The following RPN2 variants were observed in gnomAD, a reference collection of about 807,000 sequenced individuals.
The protein encoded by RPN2 is dolichyl-diphosphooligosaccharide--protein glycosyltransferase subunit 2.
RPN2 carries 29 observed loss-of-function variants against 71.4 expected under a neutral mutation model. The observed-to-expected ratio is 0.41, with a 90% CI of 0.30 to 0.55. The LOEUF is 0.55. Ranked by LOEUF, RPN2 falls within the 20% of genes least tolerant of loss-of-function variation. RPN2 has a pLI of 0.35. For synonymous variants in RPN2, 308 were observed against 305.0 expected (o/e 1.01, Z -0.10); for missense variants, 726 against 774.1 (o/e 0.94, Z 0.74).
At chr20:37,238,518 C>G in intron 16 of RPN2, 1 of 1,083,432 alleles carries the variant, frequency 9.2e-7, no homozygotes, top group Non-Finnish European at 1.4e-6. Context: ...TCATGCATGT[C>G]AGTTATCTCT....
intron 6 of RPN2, 115 bp downstream of exon 6, chr20:37,205,016 C>A: frequency 1.4e-6 from 2 of 1,446,570 alleles, no homozygotes; most frequent in South Asian, 1.2e-5. Flanking sequence ...TGCTGTCACT[C>A]AGTGTCCTGG....
intron 10 of RPN2, 128 bp from the exon 11 acceptor site, chr20:37,225,560 T>C: frequency 1.4e-6 from 1 of 728,188 alleles, no homozygotes. Flanking sequence ...TCCACATCTG[T>C]CTGTCCACAA....
chr20:37,198,163 T>C (rs193094866), intron 2 of RPN2, among the ~76,000 whole-genome samples: 1 of 152,354 alleles, frequency 6.6e-6, no homozygotes, highest in Non-Finnish European at 1.5e-5. Flanking sequence ...GGTTTCCTTC[T>C]TTCCTTTCTA....
intron 2 of RPN2, among the ~76,000 whole-genome samples, chr20:37,193,300 G>T (rs1209143650): frequency 6.6e-6 from 1 of 152,218 alleles, no homozygotes; most frequent in African/African-American, 2.4e-5. Context: ...AGATGTGATT[G>T]ATCTGAATTC....
intron 1 of RPN2, among the ~76,000 whole-genome samples, chr20:37,183,816 A>G (rs955781238): frequency 2.1e-4 from 32 of 152,234 alleles, no homozygotes; most frequent in African/African-American, 7.7e-4. Flanking sequence ...ACAGAGAAGA[A>G]GCCAGAGAGC....
rs1224718814 is a variant in RPN2, at chr20:37,232,313, T to C, written c.1599T>C (p.Pro533=). Reference sequence around the variant, plus strand: ...TTCGGCAGCACCTGTTCCGCGAGCCTGAGAAGAGGCCCCCCACCGTGGTGT... The same window carrying C: ...TTCGGCAGCACCTGTTCCGCGAGCCCGAGAAGAGGCCCCCCACCGTGGTGT... ...KQEIQHLFRE[P]EKRPPTVVSN... Residue 533 remains proline (P), a synonymous_variant, in exon 14 of 17, where the codon CCT becomes CCC. Transcript: ENST00000237530. 6.2e-7 allele frequency: 1 copy of C among 1,614,208 alleles called. No individual in the cohort carries two copies. The highest frequency in any genetic ancestry group is 8.5e-7 in the Non-Finnish European group (1 of 1,180,022).
chr20:37,184,094 C>T (rs1804269978), intron 1 of RPN2, 86 bp from the exon 2 acceptor site: 4 of 1,523,212 alleles, frequency 2.6e-6, no homozygotes, highest in Non-Finnish European at 9.1e-7. Flanking sequence ...GATTTGGTTC[C>T]CAGATCTTGG....
chr20:37,228,741 T>C lies in RPN2; in HGVS notation c.1491T>C (p.Asn497=). 1 of 1,614,134 alleles carries C rather than the reference T, an allele frequency of 6.2e-7. No individual in the cohort carries two copies. Among genetic ancestry groups the C allele is most frequent in the Non-Finnish European group, 8.5e-7 (1 of 1,180,004 alleles). Residue 497 remains asparagine, a synonymous_variant, in exon 12 of 17, where the codon AAT becomes AAC. Coordinates refer to ENST00000237530, the MANE Select transcript of RPN2 (RefSeq NM_002951.5). ...CTTTGAAGAACCCAATCCTCTGGAA[T>C]GTGGTATGTGCCTGAATGTACCCCG... The part of the protein sequence containing the change: ...DATLKNPILW[N]VADVVIKFPE...
At chr20:37,217,924 C>T (rs184074198) in intron 9 of RPN2, among the ~76,000 whole-genome samples, 10 of 151,968 alleles carry the variant, frequency 6.6e-5, no homozygotes, top group African/African-American at 1.2e-4. Flanking sequence ...TTAGTAGAGA[C>T]GGGGTTTTGC....
chr20:37,218,911 T>G (rs2067884926), intron 9 of RPN2, among the ~76,000 whole-genome samples: 2 of 152,260 alleles, frequency 1.3e-5, no homozygotes, highest in African/African-American at 2.4e-5. Flanking sequence ...ACATTTTGTT[T>G]ACCGACTTAT....
At chr20:37,188,008 A>G (rs183566415) in intron 2 of RPN2, among the ~76,000 whole-genome samples, 1 of 151,458 alleles carries the variant, frequency 6.6e-6, no homozygotes, top group African/African-American at 2.4e-5. Context: ...ATTTTTTTTT[A>G]GTGTTTGTCT....
At chr20:37,201,655 G>T (rs780266497) in intron 4 of RPN2, among the ~76,000 whole-genome samples, 3 of 152,224 alleles carry the variant, frequency 2.0e-5, no homozygotes, top group South Asian at 2.1e-4. Context: ...TGTTTAGCCC[G>T]CCTAAACCTC....
At chr20:37,200,482 T>G (rs564348535) in intron 4 of RPN2, 31 of 533,304 alleles carry the variant, frequency 5.8e-5, no homozygotes, top group African/African-American at 5.6e-4. Flanking sequence ...TCCCGTTCGT[T>G]GTTTAGCAAG....
intron 2 of RPN2, among the ~76,000 whole-genome samples, chr20:37,195,205 C>A (rs1372561206): frequency 1.3e-5 from 2 of 152,140 alleles, no homozygotes; most frequent in African/African-American, 4.8e-5. Flanking sequence ...CTGGCTGAAG[C>A]CTCAGCACTG....
At chr20:37,236,218 A>G (rs1183307802) in intron 15 of RPN2, among the ~76,000 whole-genome samples, 1 of 151,938 alleles carries the variant, frequency 6.6e-6, no homozygotes, top group Non-Finnish European at 1.5e-5. Flanking sequence ...TCAGCCTCCT[A>G]AGTAGCTAGG....
At chr20:37,179,528 G>A (rs1352533563) in intron 1 of RPN2, 159 bp downstream of exon 1, 3 of 1,403,790 alleles carry the variant, frequency 2.1e-6, no homozygotes, top group African/African-American at 3.0e-5. Context: ...GTCCGAAGGA[G>A]GGCTGCGAGC....
intron 14 of RPN2, among the ~76,000 whole-genome samples, chr20:37,232,783 A>T (rs919852397): frequency 2.6e-5 from 4 of 152,212 alleles, no homozygotes; most frequent in African/African-American, 9.7e-5. Context: ...AACAACCTAA[A>T]GTTCATAAGA....
intron 4 of RPN2, among the ~76,000 whole-genome samples, chr20:37,203,287 A>G (rs138458215): frequency 0.012 from 1,750 of 152,064 alleles, 16 homozygotes; most frequent in Middle Eastern, 0.021. Flanking sequence ...GTTGCACAAC[A>G]TTGTGAATGT....
At chr20:37,179,676 G>C (rs1362001363) in intron 1 of RPN2, 4 of 395,576 alleles carry the variant, frequency 1.0e-5, no homozygotes, top group Non-Finnish European at 8.3e-6. Flanking sequence ...TTTCACTCGC[G>C]CGGGCTTCTG....
Sources: gnomAD v4.1 joint callset for allele counts (sites outside exome capture counted in the v4.1 genomes callset) on GRCh38, gnomAD v4.1.1 for gene constraint, MANE v1.5 for transcripts, NCBI Gene and HGNC (gene_info 2026-07-23, HGNC 2026-07-21) for gene names.